The following NR3C1 variants were observed in gnomAD, a reference collection of about 807,000 sequenced individuals.
NR3C1 encodes nuclear receptor subfamily 3 group C member 1.
NR3C1 carries 14 observed loss-of-function variants against 74.0 expected under a neutral mutation model. The observed-to-expected ratio is 0.19, with a 90% CI of 0.12 to 0.30. NR3C1 has a LOEUF of 0.30. NR3C1 is among the 10% of genes least tolerant of loss of function. NR3C1 has a pLI of 1.00. For missense variants in NR3C1, 695 were observed against 909.8 expected, an observed-to-expected ratio of 0.76 and a Z score of 3.04; for synonymous variants, 308 against 332.5, an observed-to-expected ratio of 0.93 and a Z score of 0.80.
chr5:143,282,289 A>G (rs563383688), intron 8 of NR3C1, among the ~76,000 whole-genome samples: 1 of 152,214 alleles, frequency 6.6e-6, no homozygotes, highest in African/African-American at 2.4e-5. Flanking sequence ...GCATTATTCT[A>G]ATTTAATGGA....
At chr5:143,301,903 C>A (rs1818559148) in intron 4 of NR3C1, among the ~76,000 whole-genome samples, 1 of 151,982 alleles carries the variant, frequency 6.6e-6, no homozygotes, top group East Asian at 1.9e-4. Context: ...TAGAATGGTT[C>A]CATTCTTATT....
At chr5:143,287,606 C>CTA (rs1362867584) in intron 7 of NR3C1, among the ~76,000 whole-genome samples, 1 of 152,136 alleles carries the variant, frequency 6.6e-6, no homozygotes, top group African/African-American at 2.4e-5. Flanking sequence ...GATCAATACT[C>CTA]TATAAACTCT....
intron 2 of NR3C1, among the ~76,000 whole-genome samples, chr5:143,329,190 C>G (rs952169592): frequency 6.6e-6 from 1 of 152,112 alleles, no homozygotes; most frequent in Non-Finnish European, 1.5e-5. Flanking sequence ...AAAGAGGAAG[C>G]AAGGAAAGTC....
chr5:143,381,324 A>C (rs1160841515), intron 2 of NR3C1, among the ~76,000 whole-genome samples: 2 of 152,180 alleles, frequency 1.3e-5, no homozygotes, highest in Non-Finnish European at 2.9e-5. Flanking sequence ...GTCCATGCTC[A>C]TGGATTGGAA....
intron 2 of NR3C1, among the ~76,000 whole-genome samples, chr5:143,381,907 A>T (rs145463380): frequency 7.8e-4 from 119 of 152,376 alleles, no homozygotes; most frequent in African/African-American, 2.7e-3. Flanking sequence ...ACAGGCAACC[A>T]ATGCAAAAAT....
chr5:143,424,057 T>TG (rs1170724017), intron 1 of NR3C1, among the ~76,000 whole-genome samples: 3 of 18,468 alleles, frequency 1.6e-4, no homozygotes, highest in East Asian at 4.5e-3. Flanking sequence ...CTCTGGGGAC[T>TG]GTTGTGGGGT....
upstream of NR3C1, chr5:143,405,192 T>C: frequency 3.0e-6 from 3 of 985,574 alleles, no homozygotes; most frequent in Non-Finnish European, 3.6e-6. Flanking sequence ...CTGGGAAAGG[T>C]TGTGCTGTGT....
chr5:143,326,973 C>T (rs747039819), intron 2 of NR3C1, among the ~76,000 whole-genome samples: 1 of 152,248 alleles, frequency 6.6e-6, no homozygotes, highest in South Asian at 2.1e-4. Flanking sequence ...ACAATGTATA[C>T]ATTCAATTTG....
chr5:143,313,531 G>A (rs1479212924), intron 3 of NR3C1, among the ~76,000 whole-genome samples: 4 of 151,430 alleles, frequency 2.6e-5, no homozygotes, highest in Non-Finnish European at 5.9e-5. Flanking sequence ...TTAGCACAGT[G>A]CCCTGGCTTA....
In NR3C1 at chr5:143,279,415, T is replaced by A; in HGVS notation, c.*2474A>T. The A allele has an allele frequency of 6.5e-7, 1 of 1,530,872 alleles. No individual in the cohort carries two copies. The highest frequency in any genetic ancestry group is 8.8e-7 in the Non-Finnish European group (1 of 1,141,386). 94.8% of individuals were successfully genotyped at this position (1,530,872 alleles called of 1,614,324 possible). On this transcript the variant is annotated 3_prime_UTR_variant, in exon 9 of 9. Coordinates refer to ENST00000394464, the MANE Select transcript of NR3C1 (RefSeq NM_000176.3). Reference sequence around the variant, plus strand: ...CTGGTTTTAACCACATAACATTCTATAAAGGAATGATAATCTACGTTTTAG... The same window carrying A: ...CTGGTTTTAACCACATAACATTCTAAAAAGGAATGATAATCTACGTTTTAG...
intron 2 of NR3C1, among the ~76,000 whole-genome samples, chr5:143,374,000 T>C (rs1050259605): frequency 6.6e-6 from 1 of 152,242 alleles, no homozygotes; most frequent in African/African-American, 2.4e-5. Flanking sequence ...TTACTCTTTC[T>C]GTCCTTCAAC....
intron 7 of NR3C1, chr5:143,293,983 C>G (rs938681701): frequency 5.0e-5 from 49 of 984,768 alleles, no homozygotes; most frequent in Admixed American, 1.2e-4. Context: ...ACTTCTTTAA[C>G]AAGTGTACCG....
At chr5:143,325,635 T>C (rs569773881) in intron 2 of NR3C1, among the ~76,000 whole-genome samples, 1 of 152,336 alleles carries the variant, frequency 6.6e-6, no homozygotes, top group South Asian at 2.1e-4. Context: ...TTAGTTACTA[T>C]TACTCTTTTA....
At chr5:143,342,852 C>T (rs1828505373) in intron 2 of NR3C1, among the ~76,000 whole-genome samples, 1 of 152,062 alleles carries the variant, frequency 6.6e-6, no homozygotes, top group South Asian at 2.1e-4. Flanking sequence ...ATCAAAGGAC[C>T]TTTAGACATA....
chr5:143,344,076 A>G (rs1006764119), intron 2 of NR3C1, among the ~76,000 whole-genome samples: 3 of 152,166 alleles, frequency 2.0e-5, no homozygotes, highest in Non-Finnish European at 4.4e-5. Flanking sequence ...TATAAGATGT[A>G]GCACCTTTAA....
At chr5:143,288,284 A>G (rs1412554576) in intron 7 of NR3C1, among the ~76,000 whole-genome samples, 1 of 151,674 alleles carries the variant, frequency 6.6e-6, no homozygotes, top group East Asian at 1.9e-4. Flanking sequence ...ACGCCTGGCT[A>G]ATTTTTTTGT....
At chr5:143,428,854 C>A (rs1751670277) in intron 1 of NR3C1, among the ~76,000 whole-genome samples, 1 of 152,194 alleles carries the variant, frequency 6.6e-6, no homozygotes, top group Non-Finnish European at 1.5e-5. Context: ...TTCTGACTAC[C>A]ACCCACTCCC....
At position 143,295,433 on chromosome 5, in the gene NR3C1, C is replaced by T. The variant is rs200858208; in HGVS notation, c.2023+27G>A. On this transcript the variant is annotated intron_variant, in intron 7 of 8. Transcript: ENST00000394464. ...AGGCCTTCATATTTCATGCTTTTGACATAAGGTGAAAAGGTGTTCTACCAA... is the reference window on the plus strand; with the variant it reads ...AGGCCTTCATATTTCATGCTTTTGATATAAGGTGAAAAGGTGTTCTACCAA... 1.7e-5 allele frequency: 27 copies of T among 1,609,916 alleles called. No individual in the cohort carries two copies. The East Asian group carries it at 5.6e-4, about 33-fold the overall frequency.
intron 2 of NR3C1, among the ~76,000 whole-genome samples, chr5:143,368,065 T>C (rs936703116): frequency 6.6e-6 from 1 of 152,198 alleles, no homozygotes; most frequent in African/African-American, 2.4e-5. Flanking sequence ...ACTCATAGAA[T>C]TGTGAGTCCA....
Sources: allele counts gnomAD v4.1 joint callset (sites outside exome capture counted in the v4.1 genomes callset), GRCh38; gene constraint gnomAD v4.1.1; transcripts MANE v1.5; gene names NCBI Gene and HGNC (gene_info 2026-07-23, HGNC 2026-07-21).